Variants in ADK observed in about 807,000 individuals in gnomAD.
The protein encoded by ADK is adenosine kinase.
ADK carries 24 observed loss-of-function variants against 44.7 expected under a neutral mutation model. The ratio of observed to expected loss-of-function variants is 0.54; its 90% confidence interval spans 0.39 to 0.76. ADK has a LOEUF of 0.76. ADK is among the 30% of genes least tolerant of loss of function. The pLI is 0.00. For synonymous variants in ADK, 128 were observed against 142.6 expected, an observed-to-expected ratio of 0.90 and a Z score of 0.73; for missense variants, 321 against 425.1, an observed-to-expected ratio of 0.76 and a Z score of 2.15.
At chr10:74,262,183 G>A (rs747184191) in intron 3 of ADK, among the ~76,000 whole-genome samples, 9 of 151,940 alleles carry the variant, frequency 5.9e-5, no homozygotes, top group Admixed American at 1.3e-4. Context: ...GCTGGGTATG[G>A]TGGCAGGTGC....
intron 4 of ADK, among the ~76,000 whole-genome samples, chr10:74,324,162 A>G (rs1019618364): frequency 6.6e-6 from 1 of 152,124 alleles, no homozygotes; most frequent in Non-Finnish European, 1.5e-5. Flanking sequence ...AGCTGGGTCT[A>G]TAGGTATGTG....
chr10:74,238,798 G>T (rs1484752273), intron 3 of ADK, among the ~76,000 whole-genome samples: 1 of 142,656 alleles, frequency 7.0e-6, no homozygotes, highest in Admixed American at 7.0e-5. Context: ...AACCAAAGAA[G>T]ATAGAAAAAT....
intron 6 of ADK, among the ~76,000 whole-genome samples, chr10:74,470,839 A>G (rs1846558549): frequency 6.6e-6 from 1 of 151,866 alleles, no homozygotes; most frequent in South Asian, 2.1e-4. Context: ...TTGGTGTCTT[A>G]TCTAAGAAAT....
At chr10:74,360,096 C>T (rs556776029) in intron 4 of ADK, among the ~76,000 whole-genome samples, 22 of 151,462 alleles carry the variant, frequency 1.5e-4, no homozygotes, top group Admixed American at 1.1e-3. Context: ...TTCCATGTAC[C>T]GATGAGAAGA....
At chr10:74,212,503 G>T (rs1843856526) in intron 2 of ADK, among the ~76,000 whole-genome samples, 2 of 152,208 alleles carry the variant, frequency 1.3e-5, no homozygotes, top group African/African-American at 4.8e-5. Flanking sequence ...CTGGAGCTGT[G>T]TGACCTTGGT....
intron 7 of ADK, among the ~76,000 whole-genome samples, chr10:74,536,877 TTTTG>T (rs1420959677): frequency 6.6e-6 from 1 of 152,212 alleles, no homozygotes; most frequent in Non-Finnish European, 1.5e-5. Context: ...ATGTGTGAAA[TTTTG>T]TTTTTTGCTT....
chr10:74,526,645 A>G lies in ADK; in HGVS notation c.726+1219A>G, dbSNP rs374001803. 2.3e-4 allele frequency among the ~76,000 whole-genome samples: 35 copies of G among 152,338 alleles called. 1 individual carries two copies. Among genetic ancestry groups the G allele is most frequent in the Middle Eastern group, 6.8e-3 (2 of 294 alleles). ...TCACCTGGGTAAAGATTAAAGGATG[A>G]TCCATAGAAATAATATCACAGTGTA... On this transcript the variant is annotated intron_variant, in intron 7 of 10. Coordinates refer to ENST00000539909, the MANE Select transcript of ADK (RefSeq NM_006721.4).
intron 6 of ADK, among the ~76,000 whole-genome samples, chr10:74,449,048 G>A (rs920056460): frequency 1.5e-4 from 23 of 152,220 alleles, no homozygotes; most frequent in Admixed American, 5.9e-4. Context: ...TTGGTTGATC[G>A]ATTTTGAGGA....
rs544174530 is a variant in ADK at position 74,151,226 on chromosome 10, A to G, written c.-53A>G. ...TGATGCGAAGAGGGGGCGGGACCAG[A>G]GAGTGGATGGCAGAGGTGGGCTGTA... On this transcript the variant is annotated 5_prime_UTR_variant, in exon 1 of 11. Coordinates refer to ENST00000539909, the MANE Select transcript of ADK (RefSeq NM_006721.4). 2 of 1,540,496 alleles carry G rather than the reference A, an allele frequency of 1.3e-6. No homozygotes were observed. The highest frequency in any genetic ancestry group is 2.4e-5 in the East Asian group (1 of 40,840).
At chr10:74,389,572 CT>C (rs34053466) in intron 4 of ADK, among the ~76,000 whole-genome samples, 2,927 of 139,668 alleles carry the variant, frequency 0.021, 74 homozygotes, top group African/African-American at 0.061. Flanking sequence ...GTTAACGTGG[CT>C]TTTTTTTTTA....
intron 1 of ADK, among the ~76,000 whole-genome samples, chr10:74,155,772 A>C (rs1841731777): frequency 6.6e-6 from 1 of 152,008 alleles, no homozygotes. Context: ...TGACCTCGTG[A>C]TCCACCCGCC....
At chr10:74,630,424 C>A (rs1853368958) in intron 9 of ADK, among the ~76,000 whole-genome samples, 1 of 147,746 alleles carries the variant, frequency 6.8e-6, no homozygotes, top group African/African-American at 2.6e-5. Flanking sequence ...CATAATTCTT[C>A]AGTCTTTTTT....
chr10:74,216,158 C>T (rs969119674), intron 2 of ADK, among the ~76,000 whole-genome samples: 10 of 151,948 alleles, frequency 6.6e-5, no homozygotes, highest in African/African-American at 2.4e-4. Flanking sequence ...TATATTTTGC[C>T]TGTAACATGC....
intron 2 of ADK, among the ~76,000 whole-genome samples, chr10:74,212,841 C>T (rs1843868887): frequency 4.6e-4 from 1 of 2,154 alleles, no homozygotes; most frequent in Non-Finnish European, 7.6e-4. Flanking sequence ...GAAGAGAGTG[C>T]AGTAATACTT....
chr10:74,405,028 T>G (rs1192121442), intron 6 of ADK, among the ~76,000 whole-genome samples: 2 of 152,232 alleles, frequency 1.3e-5, no homozygotes, highest in African/African-American at 2.4e-5. Flanking sequence ...CACTTGAAGT[T>G]GTCTCATAGC....
At chr10:74,585,858 C>T (rs964120597) in intron 7 of ADK, among the ~76,000 whole-genome samples, 4 of 152,168 alleles carry the variant, frequency 2.6e-5, no homozygotes, top group African/African-American at 9.7e-5. Flanking sequence ...TGCTTGTTTT[C>T]TTTTCTCACT....
At chr10:74,573,744 G>C (rs1851062910) in intron 7 of ADK, among the ~76,000 whole-genome samples, 1 of 152,174 alleles carries the variant, frequency 6.6e-6, no homozygotes, top group African/African-American at 2.4e-5. Flanking sequence ...CTGCTGCCTT[G>C]CAGTTTGATC....
rs1440133939 is a variant in ADK at position 74,185,822 on chromosome 10, G to A, written c.66-14942G>A. Among the ~76,000 whole-genome samples, 4 of 126,666 alleles carry A rather than the reference G, an allele frequency of 3.2e-5. No individual in the cohort carries two copies. In the East Asian group the frequency reaches 1.1e-3, roughly 35 times the overall value. The allele number at this position is 126,666 out of a possible 152,430, so 83.1% of individuals were successfully genotyped here. ...AGTGCAGTGCAGCCTGGGCGACAAAGCGAGACTCCGTCTCAAAAAGAAAAA... is the reference window on the plus strand; with the variant it reads ...AGTGCAGTGCAGCCTGGGCGACAAAACGAGACTCCGTCTCAAAAAGAAAAA... On this transcript the variant is annotated intron_variant, in intron 1 of 10. Transcript: ENST00000539909.
chr10:74,296,034 A>G (rs1839799213), intron 3 of ADK, among the ~76,000 whole-genome samples: 1 of 146,916 alleles, frequency 6.8e-6, no homozygotes, highest in Non-Finnish European at 1.5e-5. Context: ...GTAGATCATG[A>G]TGTATGTTTT....
Sources: gnomAD v4.1 joint callset for allele counts (sites outside exome capture counted in the v4.1 genomes callset) on GRCh38, gnomAD v4.1.1 for gene constraint, MANE v1.5 for transcripts, NCBI Gene and HGNC (gene_info 2026-07-23, HGNC 2026-07-21) for gene names.